The following MYLK3 variants were observed in gnomAD, a reference collection of about 807,000 sequenced individuals.
MYLK3 encodes myosin light chain kinase 3.
MYLK3 carries 55 observed loss-of-function variants against 76.3 expected under a neutral mutation model. The ratio of observed to expected loss-of-function variants is 0.72; its 90% CI spans 0.58 to 0.90. The LOEUF (loss-of-function observed/expected upper bound fraction) is 0.90, where lower values mean the gene tolerates loss of function less well. Among genes scored for constraint, MYLK3 ranks in the 40% least tolerant of loss-of-function variants. The pLI is 0.00. For missense variants in MYLK3, 973 were observed against 1,053.6 expected, an observed-to-expected ratio of 0.92 and a Z score of 1.06; for synonymous variants, 416 against 425.4, an observed-to-expected ratio of 0.98 and a Z score of 0.27.
intron 3 of MYLK3, among the ~76,000 whole-genome samples, chr16:46,736,015 G>A (rs557840493): frequency 1.3e-5 from 2 of 152,262 alleles, no homozygotes; most frequent in South Asian, 4.1e-4. Flanking sequence ...TGTTGTTGTT[G>A]TTGTTTGTTT....
rs1329578300 is a variant in MYLK3, at chr16:46,714,045, A to C, written c.1986-1269T>G. ...AATTCCAAAAATAAAAAATTAGAAA[A>C]AGTTCTGGACATGAAGTTTAAGGCT... On this transcript the variant is annotated intron_variant, in intron 9 of 12. Coordinates refer to ENST00000394809, the MANE Select transcript of MYLK3 (RefSeq NM_182493.3). Among the ~76,000 whole-genome samples, 15 of 152,172 alleles carry C rather than the reference A, an allele frequency of 9.9e-5. 1 individual carries two copies. The highest frequency in any genetic ancestry group is 5.9e-4 in the Admixed American group (9 of 15,280).
intron 1 of MYLK3, among the ~76,000 whole-genome samples, chr16:46,755,849 G>A (rs1967191296): frequency 1.3e-5 from 2 of 151,990 alleles, no homozygotes; most frequent in Admixed American, 6.6e-5. Flanking sequence ...TGGCAAAAGG[G>A]GAACAAAAGG....
chr16:46,747,719 C>G lies in MYLK3; in HGVS notation c.475G>C (p.Glu159Gln), dbSNP rs1441811049. 6.2e-7 allele frequency: 1 copy of G among 1,612,706 alleles called. No individual in the cohort carries two copies. The highest frequency in any genetic ancestry group is 1.1e-5 in the South Asian group (1 of 90,902). ...RRGSPGDSPE[E>Q]NKERVEEEGG... ...AGGGCAGGGAAGCAGGAACCAACCTCCTCAGGGCTGTCACCTGGGCTGCCT... is the reference window on the plus strand; with the variant it reads ...AGGGCAGGGAAGCAGGAACCAACCTGCTCAGGGCTGTCACCTGGGCTGCCT... The change falls in exon 1 of 13, where the codon GAG becomes CAG. Residue 159 changes from glutamate (E) to glutamine (Q), a missense_variant and splice_region_variant. Physicochemically the swap from Glu to Gln is conservative, Grantham distance 29. Coordinates refer to ENST00000394809, the MANE Select transcript of MYLK3 (RefSeq NM_182493.3).
Position 46,740,109 on chromosome 16 carries a change from C to T in MYLK3, c.516G>A (p.Lys172=), listed in dbSNP as rs1421741272. The T allele has an allele frequency of 6.2e-7, 1 of 1,613,724 alleles. No individual in the cohort carries two copies. The highest frequency in any genetic ancestry group is 8.5e-7 in the Non-Finnish European group (1 of 1,179,884). ...GCACCCCACTGGTGCTCAGCACATGCTTTGGTTTTCCTCCCTCTTCTTCCA... is the reference window on the plus strand; with the variant it reads ...GCACCCCACTGGTGCTCAGCACATGTTTTGGTTTTCCTCCCTCTTCTTCCA... ...ERVEEEGGKP[K]HVLSTSGVQS... Residue 172 remains lysine (K), a synonymous_variant, in exon 2 of 13, where the codon AAG becomes AAA. Transcript: ENST00000394809.
intron 1 of MYLK3, among the ~76,000 whole-genome samples, chr16:46,753,963 G>T (rs939570415): frequency 6.6e-6 from 1 of 152,098 alleles, no homozygotes; most frequent in Non-Finnish European, 1.5e-5. Flanking sequence ...AAGCGTGAAA[G>T]GCTATTCCAT....
Position 46,737,754 on chromosome 16 carries a change from C to A in MYLK3, c.958G>T (p.Ala320Ser). 6.2e-7 allele frequency: 1 copy of A among 1,610,094 alleles called. No homozygotes were observed. The highest frequency in any genetic ancestry group is 1.1e-5 in the South Asian group (1 of 90,958). The change falls in exon 3 of 13, where the codon GCC becomes TCC. Residue 320 changes from alanine to serine, a missense_variant. Physicochemically the swap from Ala to Ser is moderately conservative, Grantham distance 99 (BLOSUM62 1). Transcript: ENST00000394809. Reference sequence around the variant, plus strand: ...CCACTGTGGGTTGCCCTGGCCTGGGCTGGCAGCCCTGGAGGCCCTGGGCAC... The same window carrying A: ...CCACTGTGGGTTGCCCTGGCCTGGGATGGCAGCCCTGGAGGCCCTGGGCAC... ...PQCPGPPGLP[A>S]QARATHSGGE...
intron 3 of MYLK3, among the ~76,000 whole-genome samples, chr16:46,734,403 C>T (rs1966859375): frequency 6.6e-6 from 1 of 152,136 alleles, no homozygotes; most frequent in Admixed American, 6.5e-5. Flanking sequence ...CACCTGAGAT[C>T]AGGAGTTTGA....
intron 1 of MYLK3, among the ~76,000 whole-genome samples, chr16:46,744,268 G>A (rs917775411): frequency 6.8e-5 from 10 of 146,468 alleles, no homozygotes; most frequent in African/African-American, 1.0e-4. Flanking sequence ...TCCTGACCTC[G>A]TGATCTGCCC....
Position 46,732,328 on chromosome 16 carries a change from C to A in MYLK3, c.1342G>T (p.Gly448Cys). ...HEVGALGLQQ[G>C]KSPGAGNPEP... Reference sequence around the variant, plus strand: ...GGGTTTCCCGCCCCTGGGCTTTTGCCCTGCTGCAGGCCCAGGGCCCCAACC... The same window carrying A: ...GGGTTTCCCGCCCCTGGGCTTTTGCACTGCTGCAGGCCCAGGGCCCCAACC... Residue 448 changes from glycine (G) to cysteine (C), a missense_variant, in exon 4 of 13, where the codon GGC (glycine) becomes TGC (cysteine). Transcript: ENST00000394809. 1.2e-6 allele frequency: 2 copies of A among 1,612,726 alleles called. No individual in the cohort carries two copies. The highest frequency in any genetic ancestry group is 2.2e-5 in the South Asian group (2 of 91,088).
At chr16:46,744,024 CTG>C (rs1326825377) in intron 1 of MYLK3, among the ~76,000 whole-genome samples, 4 of 152,078 alleles carry the variant, frequency 2.6e-5, no homozygotes, top group Non-Finnish European at 5.9e-5. Flanking sequence ...TACAAATAAA[CTG>C]TAAATTTTAT....
At chr16:46,739,003 G>A (rs1966889430) in intron 2 of MYLK3, among the ~76,000 whole-genome samples, 1 of 152,126 alleles carries the variant, frequency 6.6e-6, no homozygotes, top group African/African-American at 2.4e-5. Context: ...ACCATGCCCA[G>A]TTAATTTTTG....
chr16:46,747,675 C>T (rs374059136), intron 1 of MYLK3, 42 bp downstream of exon 1: 15 of 1,569,800 alleles, frequency 9.6e-6, no homozygotes, highest in East Asian at 4.5e-5. Flanking sequence ...CCACCAGGGC[C>T]GGGGCCTCCC....
At position 46,759,556 on chromosome 16, in the gene MYLK3, G is replaced by A. The variant is rs191611083; in HGVS notation, c.-114+3484C>T. ...GAAGGCATGTTCCAAAGTCAGACTCGAGTTTGCCTACAACTGAGGGTAGTG... is the reference window on the plus strand; with the variant it reads ...GAAGGCATGTTCCAAAGTCAGACTCAAGTTTGCCTACAACTGAGGGTAGTG... On this transcript the variant is annotated intron_variant, in intron 1 of 11. Coordinates refer to the MYLK3 transcript ENST00000536476. Among the ~76,000 whole-genome samples the A allele has an allele frequency of 2.5e-3, 373 of 152,236 alleles. 1 individual carries two copies. Among genetic ancestry groups the A allele is most frequent in the Non-Finnish European group, 3.2e-3 (215 of 68,012 alleles).
Position 46,759,496 on chromosome 16 carries a change from A to G in MYLK3, c.-114+3544T>C, listed in dbSNP as rs569504550. ...CTAGGAGGAAAAAACTGTTATCCCC[A>G]TTTCACAGGCAAGTAAACTGAGGCA... is the stretch of plus-strand genomic sequence containing the variant. On this transcript the variant is annotated intron_variant, in intron 1 of 11. Transcript: ENST00000536476. Among the ~76,000 whole-genome samples, 3 of 152,260 alleles carry G rather than the reference A, an allele frequency of 2.0e-5. No individual in the cohort carries two copies. The East Asian group carries it at 5.8e-4, about 29-fold the overall frequency.
rs772243370 is a variant in MYLK3, at chr16:46,738,092, A to AT, written c.619dup (p.Ile207AsnfsTer9). ...GTCAGCTCCCAGCCCTGACGCTCTGATGGGGGGCAGCCTCTCCGCTGTCCC... is the reference window on the plus strand; with the variant it reads ...GTCAGCTCCCAGCCCTGACGCTCTGATTGGGGGGCAGCCTCTCCGCTGTCCC... On this transcript the variant is annotated frameshift_variant, in exon 3 of 13. Coordinates refer to ENST00000394809, the MANE Select transcript of MYLK3 (RefSeq NM_182493.3). LOFTEE classifies it high-confidence loss of function. 14 of 1,592,358 alleles carry AT rather than the reference A, an allele frequency of 8.8e-6. No individual in the cohort carries two copies. In the East Asian group the frequency reaches 3.1e-4, roughly 36 times the overall value.
At chr16:46,762,429 G>A (rs1411263153) in intron 1 of MYLK3, among the ~76,000 whole-genome samples, 3 of 152,032 alleles carry the variant, frequency 2.0e-5, no homozygotes, top group Non-Finnish European at 2.9e-5. Context: ...CAGATGATAC[G>A]CCTAAGAGAC....
intron 1 of MYLK3, among the ~76,000 whole-genome samples, chr16:46,754,892 C>T (rs985031244): frequency 6.6e-6 from 1 of 151,450 alleles, no homozygotes; most frequent in African/African-American, 2.4e-5. Flanking sequence ...AAAATGCAAA[C>T]AATTCGTGCT....
At position 46,737,855 on chromosome 16, in the gene MYLK3, T is replaced by C; in HGVS notation, c.857A>G (p.Gln286Arg). ...GTCAGGCCTGCTGGACGATGCTCCT[T>C]GTCCTGCACCTGGTGCAACCTCCAG... ...PSLEVAPGAG[Q>R]GASSSRPDPE... Residue 286 changes from glutamine (Q) to arginine (R), a missense_variant, in exon 3 of 13, where the codon CAA becomes CGA. Gln to Arg is a conservative substitution (Grantham distance 43, BLOSUM62 1). Coordinates refer to ENST00000394809, the MANE Select transcript of MYLK3 (RefSeq NM_182493.3). The C allele has an allele frequency of 6.2e-7, 1 of 1,614,040 alleles. No individual in the cohort carries two copies. The highest frequency in any genetic ancestry group is 8.5e-7 in the Non-Finnish European group (1 of 1,180,026).
chr16:46,729,128 G>T lies in MYLK3; in HGVS notation c.1668C>A (p.Asp556Glu). The change falls in exon 7 of 13, where the codon GAC (aspartate) becomes GAA (glutamate). Residue 556 changes from aspartate to glutamate, a missense_variant. Asp to Glu is a conservative substitution (Grantham distance 45, BLOSUM62 2). This residue lies in a region of MYLK3 where 332 missense variants were observed against 416.6 expected (regional missense o/e 0.80). Transcript: ENST00000394809. ...IKVKSAKDRE[D>E]VKNEINIMNQ... ...TCATGATGTTGATCTCGTTCTTCACGTCCTCCTTGGGGGAACCAGAGGACA... is the reference window on the plus strand; with the variant it reads ...TCATGATGTTGATCTCGTTCTTCACTTCCTCCTTGGGGGAACCAGAGGACA... 6.2e-7 allele frequency: 1 copy of T among 1,613,454 alleles called. No homozygotes were observed. Among genetic ancestry groups the T allele is most frequent in the East Asian group, 2.2e-5 (1 of 44,866 alleles).
Sources: allele counts gnomAD v4.1 joint callset (sites outside exome capture counted in the v4.1 genomes callset), GRCh38; gene constraint gnomAD v4.1.1; regional missense constraint gnomAD v4.1.1; transcripts MANE v1.5; gene names NCBI Gene and HGNC (gene_info 2026-07-23, HGNC 2026-07-21).